MYO9A: variants seen among roughly 807,000 people sequenced by gnomAD.
MYO9A encodes the protein unconventional myosin-IXa.
A neutral mutation model predicts 293.3 loss-of-function variants in MYO9A; 103 were observed. That is an observed-to-expected ratio of 0.35 (90% CI 0.30 to 0.41). The LOEUF is 0.41. MYO9A is among the 10% of genes least tolerant of loss of function. The pLI is 1.00. For missense variants in MYO9A, 2,685 were observed against 3,033.0 expected, an observed-to-expected ratio of 0.89 and a Z score of 2.69; for synonymous variants, 1,001 against 1,035.7, an observed-to-expected ratio of 0.97 and a Z score of 0.64.
At position 71,960,068 on chromosome 15, in the gene MYO9A, A is replaced by G. The variant is rs1567319892; in HGVS notation, c.2015T>C (p.Met672Thr). Residue 672 changes from methionine (M) to threonine (T), a missense_variant, in exon 14 of 42, where the codon ATG (methionine) becomes ACG (threonine). Met to Thr is a moderately conservative substitution (Grantham distance 81, BLOSUM62 -1). Transcript: ENST00000356056. Reference protein sequence around the residue: ...KDFREKNTDHMRPDIVALLRS... With the variant: ...KDFREKNTDHTRPDIVALLRS... The stretch of plus-strand genomic sequence containing the variant: ...CAGAAGAGCTACAATGTCTGGGCGC[A>G]TATGATCTGTATTTTTTTCCCGGAA... 1.2e-6 allele frequency: 2 copies of G among 1,614,018 alleles called. No homozygotes were observed. The highest frequency in any genetic ancestry group is 1.1e-5 in the South Asian group (1 of 91,056).
At chr15:71,928,054 A>G (rs201928249) in intron 18 of MYO9A, among the ~76,000 whole-genome samples, 1 of 9,380 alleles carries the variant, frequency 1.1e-4, no homozygotes, top group East Asian at 8.5e-4. Flanking sequence ...ATATATATAT[A>G]TATTTTTTTT....
intron 1 of MYO9A, among the ~76,000 whole-genome samples, chr15:72,047,202 G>A (rs2078412326): frequency 1.3e-5 from 2 of 152,144 alleles, no homozygotes; most frequent in South Asian, 4.1e-4. Context: ...GGAATTCTAG[G>A]CTCTGACTCA....
At chr15:72,105,631 C>T (rs560943542) in intron 1 of MYO9A, among the ~76,000 whole-genome samples, 44 of 151,810 alleles carry the variant, frequency 2.9e-4, no homozygotes, top group Non-Finnish European at 3.8e-4. Context: ...CCTCAGCCTC[C>T]CTAGTAGCTG....
chr15:71,955,221 G>T (rs1231117460), intron 14 of MYO9A, among the ~76,000 whole-genome samples: 3 of 151,514 alleles, frequency 2.0e-5, no homozygotes, highest in Non-Finnish European at 4.4e-5. Flanking sequence ...TCCACCTCCT[G>T]GATTCAAGCT....
At chr15:71,853,996 T>G (rs994541342) in intron 35 of MYO9A, among the ~76,000 whole-genome samples, 1 of 152,212 alleles carries the variant, frequency 6.6e-6, no homozygotes, top group African/African-American at 2.4e-5. Flanking sequence ...ATAATATCCC[T>G]AATTCATAGG....
At chr15:72,010,528 A>C in intron 6 of MYO9A, 81 bp from the exon 7 acceptor site, 1 of 1,245,554 alleles carries the variant, frequency 8.0e-7, no homozygotes, top group Non-Finnish European at 1.1e-6. Flanking sequence ...ATGGTAATTT[A>C]GGATAGGTAC....
intron 1 of MYO9A, among the ~76,000 whole-genome samples, chr15:72,105,502 C>CTTTTT (rs35861022): frequency 2.7e-4 from 24 of 89,274 alleles, no homozygotes; most frequent in African/African-American, 3.5e-4. Context: ...GCTGGGAAAG[C>CTTTTT]TTTTTTTTTT....
intron 1 of MYO9A, among the ~76,000 whole-genome samples, chr15:72,103,489 A>AGAAGCAGAAGCAGTG (rs2080457708): frequency 2.7e-5 from 4 of 150,528 alleles, no homozygotes; most frequent in African/African-American, 9.7e-5. Flanking sequence ...GAAGCAGCGC[A>AGAAGCAGAAGCAGTG]GAAGCAGAAG....
chr15:71,872,649 G>C (rs1281892778), intron 32 of MYO9A, among the ~76,000 whole-genome samples: 1 of 152,002 alleles, frequency 6.6e-6, no homozygotes, highest in Non-Finnish European at 1.5e-5. Context: ...ATAAACCCCT[G>C]ATCAAAAGGT....
intron 14 of MYO9A, among the ~76,000 whole-genome samples, chr15:71,957,736 T>C (rs1352977548): frequency 6.6e-6 from 1 of 152,164 alleles, no homozygotes; most frequent in East Asian, 1.9e-4. Flanking sequence ...TGAAGCTCTC[T>C]CATCTGCAGA....
intron 19 of MYO9A, among the ~76,000 whole-genome samples, chr15:71,912,144 T>G (rs1269315233): frequency 6.6e-6 from 1 of 152,202 alleles, no homozygotes; most frequent in African/African-American, 2.4e-5. Flanking sequence ...ACACTATATT[T>G]CCACTTAGCC....
In MYO9A at chr15:71,933,819, C is replaced by T. The variant is rs549171523; in HGVS notation, c.2523-110G>A. 18 of 871,578 alleles carry T rather than the reference C, an allele frequency of 2.1e-5. No homozygotes were observed. In the African/African-American group the frequency reaches 2.6e-4, roughly 13 times the overall value. The allele number at this position is 871,578 out of a possible 1,614,324, so 54.0% of individuals were successfully genotyped here. Reference sequence around the variant, plus strand: ...CTCTCCTAAAACAACAGATTATATACCCATTACCAAGACTGTAGGTTCTTT... The same window carrying T: ...CTCTCCTAAAACAACAGATTATATATCCATTACCAAGACTGTAGGTTCTTT... On this transcript the variant is annotated intron_variant, in intron 17 of 41. Coordinates refer to ENST00000356056, the MANE Select transcript of MYO9A (RefSeq NM_006901.4).
rs1447594557 is a variant in MYO9A at position 71,999,926 on chromosome 15, C to T, written c.1395G>A (p.Met465Ile). The T allele has an allele frequency of 6.2e-7, 1 of 1,611,366 alleles. No homozygotes were observed. Among genetic ancestry groups the T allele is most frequent in the African/African-American group, 1.3e-5 (1 of 74,816 alleles). The change falls in exon 9 of 42, where the codon ATG becomes ATA. Residue 465 changes from methionine (M) to isoleucine (I), a missense_variant. Around this residue, in one of 10 missense-constraint regions of MYO9A, gnomAD observed 289 missense variants for 456.8 expected, o/e 0.63. Coordinates refer to ENST00000356056, the MANE Select transcript of MYO9A (RefSeq NM_006901.4). ...TCCTTGTAACTAATGCTTCAAATAG[C>T]ATCTCTTCTTTAACCTATAAAACAG... ...VSELLEVKEE[M>I]LFEALVTRKT...
At chr15:71,965,928 G>C (rs2075862996) in intron 13 of MYO9A, among the ~76,000 whole-genome samples, 1 of 151,816 alleles carries the variant, frequency 6.6e-6, no homozygotes, top group Non-Finnish European at 1.5e-5. Context: ...TCAGGCTGGA[G>C]TGAAATGGCA....
chr15:71,942,807 T>C (rs1186247586), intron 15 of MYO9A, among the ~76,000 whole-genome samples: 2 of 152,034 alleles, frequency 1.3e-5, no homozygotes, highest in African/African-American at 4.8e-5. Flanking sequence ...GCAAATTAGG[T>C]ATAAGTTTTA....
intron 40 of MYO9A, 36 bp from the exon 41 acceptor site, chr15:71,828,062 T>A (rs1310411911): frequency 3.1e-6 from 5 of 1,595,002 alleles, no homozygotes; most frequent in Non-Finnish European, 3.4e-6. Flanking sequence ...TAGCATTTGA[T>A]AGGAAGTGGA....
intron 13 of MYO9A, among the ~76,000 whole-genome samples, chr15:71,960,808 A>G (rs1278290883): frequency 2.0e-5 from 3 of 152,302 alleles, no homozygotes; most frequent in African/African-American, 7.2e-5. Flanking sequence ...GCAACAGGAG[A>G]GCTGAATAAC....
chr15:71,851,493 G>A, intron 36 of MYO9A, 135 bp from the exon 37 acceptor site: 2 of 555,774 alleles, frequency 3.6e-6, no homozygotes, highest in South Asian at 3.2e-5. Flanking sequence ...CAGGAGAAGA[G>A]CAACTCACAG....
At position 71,825,258 on chromosome 15, in the gene MYO9A, G is replaced by A. The variant is rs2054429132; in HGVS notation, c.*1322C>T. 1 of 152,154 alleles carries A rather than the reference G, an allele frequency of 6.6e-6. No homozygotes were observed. The highest frequency in any genetic ancestry group is 2.4e-5 in the African/African-American group (1 of 41,434). The allele number at this position is 152,154 out of a possible 1,614,324, so 9.4% of individuals were successfully genotyped here. A position where few individuals can be genotyped will look rare whatever the true frequency, so the allele number is the denominator to read the frequency against. On this transcript the variant is annotated 3_prime_UTR_variant, in exon 42 of 42. Coordinates refer to ENST00000356056, the MANE Select transcript of MYO9A (RefSeq NM_006901.4). ...GTCTTACTAATTCCCTCAACCCAGG[G>A]ACGAATGGCTCTCATCCCCCTGTCC... is the stretch of plus-strand genomic sequence containing the variant.
Sources: allele counts gnomAD v4.1 joint callset (sites outside exome capture counted in the v4.1 genomes callset), GRCh38; gene constraint gnomAD v4.1.1; regional missense constraint gnomAD v4.1.1; transcripts MANE v1.5; gene names NCBI Gene and HGNC (gene_info 2026-07-23, HGNC 2026-07-21).